The following ZIM2 variants were observed in gnomAD, a reference collection of about 807,000 sequenced individuals.
ZIM2 encodes the protein zinc finger imprinted 2, also known as zinc finger protein 656.
In ZIM2, 14 loss-of-function variants were observed where a neutral mutation model predicts 38.6. The observed-to-expected ratio is 0.36, with a 90% confidence interval of 0.24 to 0.57. The LOEUF (loss-of-function observed/expected upper bound fraction) is 0.57, where lower values mean the gene tolerates loss of function less well. Among genes scored for constraint, ZIM2 ranks in the 20% least tolerant of loss-of-function variants. The probability of loss-of-function intolerance (pLI) is 0.81; values close to 1 mark genes in which losing one functional copy is unlikely to be tolerated. For synonymous variants in ZIM2, 247 were observed against 245.8 expected, an observed-to-expected ratio of 1.00 and a Z score of -0.04; for missense variants, 680 against 695.1, an observed-to-expected ratio of 0.98 and a Z score of 0.24.
At position 56,818,543 on chromosome 19, in the gene ZIM2, G is replaced by T; in HGVS notation, c.397+57C>A. On this transcript the variant is annotated intron_variant, in intron 8 of 12. Coordinates refer to ENST00000629319, the MANE Select transcript of ZIM2 (RefSeq NM_001387356.1). Reference sequence around the variant, plus strand: ...TAACATCCAGCTTAAAAAGGAGCAAGATGACAAAATGCTCCAATGACTGGA... The same window carrying T: ...TAACATCCAGCTTAAAAAGGAGCAATATGACAAAATGCTCCAATGACTGGA... The T allele has an allele frequency of 2.5e-6, 4 of 1,581,644 alleles. No homozygotes were observed. In the South Asian group the frequency reaches 3.3e-5, roughly 13 times the overall value.
intron 1 of ZIM2, among the ~76,000 whole-genome samples, chr19:56,839,559 G>T (rs932828333): frequency 1.6e-4 from 24 of 151,282 alleles, no homozygotes; most frequent in African/African-American, 5.8e-4. Flanking sequence ...CGTCAAAGCG[G>T]GCGGGGCCTG....
chr19:56,831,624 G>C (rs1260651123), intron 2 of ZIM2, among the ~76,000 whole-genome samples: 1 of 152,172 alleles, frequency 6.6e-6, no homozygotes, highest in Non-Finnish European at 1.5e-5. Flanking sequence ...TCTCTCCTGA[G>C]TTTTCATTAA....
At chr19:56,816,999 C>T in intron 9 of ZIM2, 1 of 1,614,164 alleles carries the variant, frequency 6.2e-7, no homozygotes, top group South Asian at 1.1e-5. Context: ...ACTCACCATA[C>T]TCATAGAGGT....
intron 7 of ZIM2, among the ~76,000 whole-genome samples, chr19:56,821,320 T>C (rs889454816): frequency 6.6e-6 from 1 of 152,170 alleles, no homozygotes; most frequent in Non-Finnish European, 1.5e-5. Context: ...ACCCACAGCT[T>C]TCCTGGCTCC....
chr19:56,801,879 C>G (rs1186469755), intron 9 of ZIM2, among the ~76,000 whole-genome samples: 1 of 152,186 alleles, frequency 6.6e-6, no homozygotes, highest in Non-Finnish European at 1.5e-5. Context: ...GGACAAATGG[C>G]AAGCCCACCT....
chr19:56,778,422 A>C (rs2046138068), intron 12 of ZIM2, among the ~76,000 whole-genome samples: 1 of 152,220 alleles, frequency 6.6e-6, no homozygotes, highest in Admixed American at 6.5e-5. Context: ...TGTGTCAATC[A>C]GCACTGTACT....
intron 9 of ZIM2, chr19:56,817,507 C>A: frequency 6.2e-7 from 1 of 1,610,676 alleles, no homozygotes; most frequent in Non-Finnish European, 8.5e-7. Flanking sequence ...CATTATCACT[C>A]CGTGGGAAGA....
chr19:56,810,053 A>C (rs1485009556), intron 9 of ZIM2: 1 of 640,770 alleles, frequency 1.6e-6, no homozygotes, highest in Non-Finnish European at 1.9e-6. Context: ...AGCCCCAAAA[A>C]CAAAACAGAC....
rs368096655 is a variant in ZIM2 at position 56,774,893 on chromosome 19, T to C, written c.1472A>G (p.Tyr491Cys). ...ACACTGGCAGGCTCTCTCTCCAACG[T>C]AGTCATGTTTCCGCTGATAACGAAT... ...YLIRYQRKHD[Y>C]VGERACQCCD... is the part of the protein sequence containing the mutation. Residue 491 changes from tyrosine to cysteine, a missense_variant, in exon 13 of 13, where the codon TAC becomes TGC. By Grantham distance (194) the Tyr-to-Cys change is radical. Coordinates refer to ENST00000629319, the MANE Select transcript of ZIM2 (RefSeq NM_001387356.1). 8 of 1,614,154 alleles carry C rather than the reference T, an allele frequency of 5.0e-6. No individual in the cohort carries two copies. Among genetic ancestry groups the C allele is most frequent in the Non-Finnish European group, 6.8e-6 (8 of 1,180,024 alleles).
At chr19:56,834,304 T>C (rs1195121771) in intron 2 of ZIM2, among the ~76,000 whole-genome samples, 1 of 152,142 alleles carries the variant, frequency 6.6e-6, no homozygotes, top group African/African-American at 2.4e-5. Context: ...GCTTCCGATA[T>C]CTTGGTAACC....
intron 7 of ZIM2, 115 bp downstream of exon 7, chr19:56,821,536 C>T: frequency 3.9e-6 from 5 of 1,294,892 alleles, no homozygotes; most frequent in Non-Finnish European, 5.4e-6. Context: ...AGCGCTGGGA[C>T]TCTCACCCCA....
In ZIM2 at chr19:56,779,328, A is replaced by G. The variant is rs368840159; in HGVS notation, c.835+49T>C. 111 of 1,598,414 alleles carry G rather than the reference A, an allele frequency of 6.9e-5. No homozygotes were observed. The African/African-American group carries it at 1.2e-3, about 18-fold the overall frequency. Reference sequence around the variant, plus strand: ...CTTTGAGGAAAGCTCTCTGACTAGCATTTACTGGTTCCCCCTCCTACACCC... The same window carrying G: ...CTTTGAGGAAAGCTCTCTGACTAGCGTTTACTGGTTCCCCCTCCTACACCC... On this transcript the variant is annotated intron_variant, in intron 12 of 12. Transcript: ENST00000629319.
At chr19:56,788,853 A>C (rs1014846360) in intron 10 of ZIM2, among the ~76,000 whole-genome samples, 1 of 151,332 alleles carries the variant, frequency 6.6e-6, no homozygotes, top group Non-Finnish European at 1.5e-5. Context: ...ATTTCTTTTC[A>C]TTCTTTTCTC....
intron 2 of ZIM2, among the ~76,000 whole-genome samples, chr19:56,827,702 T>C (rs1454002907): frequency 1.3e-5 from 2 of 152,234 alleles, no homozygotes; most frequent in Admixed American, 6.5e-5. Context: ...GTGTTGTTAA[T>C]AGACAAGATA....
intron 3 of ZIM2, among the ~76,000 whole-genome samples, chr19:56,825,496 T>C (rs2060932252): frequency 6.6e-6 from 1 of 152,234 alleles, no homozygotes; most frequent in Non-Finnish European, 1.5e-5. Flanking sequence ...TTCTCTTTAT[T>C]TTATTATCTG....
At chr19:56,807,988 TA>T (rs1195445561) in intron 9 of ZIM2, among the ~76,000 whole-genome samples, 1 of 152,130 alleles carries the variant, frequency 6.6e-6, no homozygotes, top group Non-Finnish European at 1.5e-5. Context: ...TTAATCTCAC[TA>T]GGGGGAAATA....
At chr19:56,786,052 G>A (rs138951093) in intron 10 of ZIM2, among the ~76,000 whole-genome samples, 88 of 151,936 alleles carry the variant, frequency 5.8e-4, no homozygotes, top group Admixed American at 1.3e-3. Flanking sequence ...ATCTTCCCAC[G>A]CCCTACCCCA....
chr19:56,815,987 G>A (rs143073381), intron 9 of ZIM2: 36 of 1,583,898 alleles, frequency 2.3e-5, no homozygotes, highest in Admixed American at 1.8e-5. Flanking sequence ...CCTCCAGCAC[G>A]AACTCTCTGA....
At chr19:56,783,591 C>A (rs760159428) in intron 10 of ZIM2, among the ~76,000 whole-genome samples, 1 of 152,288 alleles carries the variant, frequency 6.6e-6, no homozygotes, top group East Asian at 1.9e-4. Context: ...CCAAATACCA[C>A]GTGTTCTCAC....
Sources: allele counts gnomAD v4.1 joint callset (sites outside exome capture counted in the v4.1 genomes callset), GRCh38; gene constraint gnomAD v4.1.1; transcripts MANE v1.5; gene names NCBI Gene and HGNC (gene_info 2026-07-23, HGNC 2026-07-21).